The following SH3GL3 variants were observed in gnomAD, a reference collection of about 807,000 sequenced individuals.
The protein encoded by SH3GL3 is endophilin-A3.
A neutral mutation model predicts 47.7 loss-of-function variants in SH3GL3; 33 were observed. That is an observed-to-expected ratio of 0.69 (90% CI 0.52 to 0.92). SH3GL3 has a LOEUF of 0.92. SH3GL3 is among the 40% of genes least tolerant of loss of function. The pLI, the probability that SH3GL3 is intolerant of heterozygous loss-of-function variation, is 0.00. For synonymous variants in SH3GL3, 155 were observed against 148.8 expected, an observed-to-expected ratio of 1.04 and a Z score of -0.30; for missense variants, 363 against 417.8, an observed-to-expected ratio of 0.87 and a Z score of 1.14.
At chr15:83,569,869 CT>C (rs752477762) in intron 4 of SH3GL3, among the ~76,000 whole-genome samples, 5 of 151,274 alleles carry the variant, frequency 3.3e-5, no homozygotes, top group African/African-American at 9.8e-5. Flanking sequence ...TTTTTCCCCC[CT>C]GTCTCATGAG....
At chr15:83,514,815 G>A (rs2042913785) in intron 1 of SH3GL3, among the ~76,000 whole-genome samples, 1 of 152,086 alleles carries the variant, frequency 6.6e-6, no homozygotes, top group African/African-American at 2.4e-5. Context: ...GCTGTCATAG[G>A]TCAGACTTCT....
chr15:83,563,759 C>T (rs1390113996), intron 2 of SH3GL3, among the ~76,000 whole-genome samples: 2 of 152,094 alleles, frequency 1.3e-5, no homozygotes, highest in Non-Finnish European at 2.9e-5. Flanking sequence ...CCACCTCAGC[C>T]TCCAAAATAG....
chr15:83,630,219 A>C, the SH3GL3 span, among the ~76,000 whole-genome samples: 1 of 152,200 alleles, frequency 6.6e-6, no homozygotes, highest in Admixed American at 6.5e-5. Flanking sequence ...TAAATTGCCC[A>C]GTCTCAGGTA....
rs78306426 is a variant in SH3GL3, at chr15:83,497,227, C to T, written c.45+49649C>T. On this transcript the variant is annotated intron_variant, in intron 1 of 8. Coordinates refer to ENST00000427482, the MANE Select transcript of SH3GL3 (RefSeq NM_003027.5). ...ATGGCTCTTGAAGACCCGTTACAGC[C>T]CCAAGACCCCGTGGTAGTAGTCCTA... Among the ~76,000 whole-genome samples the T allele has an allele frequency of 5.9e-3, 893 of 152,284 alleles. 7 individuals are homozygous for T. Among genetic ancestry groups the T allele is most frequent in the Non-Finnish European group, 9.8e-3 (664 of 68,030 alleles).
chr15:83,517,138 G>A (rs1175965027), intron 1 of SH3GL3, among the ~76,000 whole-genome samples: 5 of 150,794 alleles, frequency 3.3e-5, no homozygotes, highest in Admixed American at 2.0e-4. Flanking sequence ...GTCATCTGGT[G>A]TTCACTGCTA....
At position 83,447,434 on chromosome 15, in the gene SH3GL3, C is replaced by T. The variant is rs994958430; in HGVS notation, c.-100C>T. On this transcript the variant is annotated 5_prime_UTR_variant, in exon 1 of 9. Coordinates refer to ENST00000427482, the MANE Select transcript of SH3GL3 (RefSeq NM_003027.5). This position sits in a 1 kb window ranked among gnomAD's most constrained non-coding sequence, Gnocchi z 5.1. ...GGAGGCGGGCCCGGCGGAGCCCAGC[C>T]GCGGGGGGACCGGCCCGGGCTCCCG... 29 of 1,055,486 alleles carry T rather than the reference C, an allele frequency of 2.7e-5. No homozygotes were observed. The highest frequency in any genetic ancestry group is 1.2e-4 in the African/African-American group (7 of 59,206). The allele number at this position is 1,055,486 out of a possible 1,614,324, so 65.4% of individuals were successfully genotyped here.
chr15:83,547,313 C>CTGGG (rs1555493649), intron 1 of SH3GL3, among the ~76,000 whole-genome samples: 2 of 152,112 alleles, frequency 1.3e-5, no homozygotes, highest in Non-Finnish European at 2.9e-5. Context: ...GTGGGAAACA[C>CTGGG]TAGGAAAGGC....
chr15:83,462,859 G>T (rs1448558764), intron 1 of SH3GL3, among the ~76,000 whole-genome samples: 1 of 152,176 alleles, frequency 6.6e-6, no homozygotes, highest in Non-Finnish European at 1.5e-5. Flanking sequence ...AAAATGGCTT[G>T]ATACTGACTT....
At chr15:83,449,544 C>G (rs145599706) in intron 1 of SH3GL3, among the ~76,000 whole-genome samples, 1 of 152,144 alleles carries the variant, frequency 6.6e-6, no homozygotes, top group Non-Finnish European at 1.5e-5. Flanking sequence ...TCAGAGATAA[C>G]GTAAGCCCTT....
chr15:83,633,592 T>C, the SH3GL3 span, among the ~76,000 whole-genome samples: 1 of 152,184 alleles, frequency 6.6e-6, no homozygotes, highest in Non-Finnish European at 1.5e-5. Context: ...GTCACTTTTA[T>C]AACCTAGTTC....
chr15:83,568,687 G>T lies in SH3GL3; in HGVS notation c.331+15G>T. 2 of 1,609,246 alleles carry T rather than the reference G, an allele frequency of 1.2e-6. No homozygotes were observed. The highest frequency in any genetic ancestry group is 1.7e-6 in the Non-Finnish European group (2 of 1,175,978). On this transcript the variant is annotated intron_variant, in intron 4 of 8. Coordinates refer to ENST00000427482, the MANE Select transcript of SH3GL3 (RefSeq NM_003027.5). ...CTCCACCTTTGGTGAGTTATTCAGAGATCAGCTGGGGGAGCTGAGAACTCC... is the reference window on the plus strand; with the variant it reads ...CTCCACCTTTGGTGAGTTATTCAGATATCAGCTGGGGGAGCTGAGAACTCC...
chr15:83,586,950 C>T, intron 6 of SH3GL3, 33 bp from the exon 7 acceptor site: 1 of 1,227,156 alleles, frequency 8.1e-7, no homozygotes, highest in Non-Finnish European at 1.2e-6. Context: ...CAGGCTCGGG[C>T]CTCCATGGAA....
the SH3GL3 span, among the ~76,000 whole-genome samples, chr15:83,629,618 A>C: frequency 6.6e-6 from 1 of 152,170 alleles, no homozygotes; most frequent in Non-Finnish European, 1.5e-5. Flanking sequence ...CCAGGAGTTC[A>C]AGACCAGGCT....
Position 83,544,199 on chromosome 15 carries a change from AT to A in SH3GL3, c.46-15053del, listed in dbSNP as rs1321657476. On this transcript the variant is annotated intron_variant, in intron 1 of 8. Coordinates refer to ENST00000427482, the MANE Select transcript of SH3GL3 (RefSeq NM_003027.5). The stretch of plus-strand genomic sequence containing the variant: ...TTTGCTGTATCCCATAGGTTTTCGT[AT>A]GTTGTATTTCCATTTTCATTTGTTT... Among the ~76,000 whole-genome samples, 3 of 151,966 alleles carry A rather than the reference AT, an allele frequency of 2.0e-5. No homozygotes were observed. In the East Asian group the frequency reaches 5.8e-4, roughly 29 times the overall value.
chr15:83,612,849 G>GTT lies in SH3GL3; in HGVS notation c.839-5231_839-5230dup, dbSNP rs59677590. 1.1e-3 allele frequency among the ~76,000 whole-genome samples: 166 copies of GTT among 152,288 alleles called. 3 individuals carry two copies. The East Asian group carries it at 0.032, about 29-fold the overall frequency. On this transcript the variant is annotated intron_variant, in intron 8 of 8. Coordinates refer to ENST00000427482, the MANE Select transcript of SH3GL3 (RefSeq NM_003027.5). ...AAGCTCTAGTTCTTGGAACCCAGAA[G>GTT]TTTCTCTCTCTCTCTCGCTCTTAAA...
At chr15:83,612,429 C>A (rs1004352930) in intron 8 of SH3GL3, among the ~76,000 whole-genome samples, 1 of 152,228 alleles carries the variant, frequency 6.6e-6, no homozygotes. Flanking sequence ...GTGTCACTGC[C>A]CCCAGGCAGC....
chr15:83,604,947 C>G (rs1287419774), intron 8 of SH3GL3, among the ~76,000 whole-genome samples: 1 of 152,174 alleles, frequency 6.6e-6, no homozygotes, highest in Non-Finnish European at 1.5e-5. Context: ...CAGGTGGTTG[C>G]ACAGGGAGCC....
At chr15:83,545,979 T>C (rs941902834) in intron 1 of SH3GL3, among the ~76,000 whole-genome samples, 7 of 152,212 alleles carry the variant, frequency 4.6e-5, no homozygotes, top group Non-Finnish European at 8.8e-5. Context: ...GTGTCACACC[T>C]GAAGCCAGAA....
At chr15:83,558,688 G>A (rs536172998) in intron 1 of SH3GL3, among the ~76,000 whole-genome samples, 1 of 152,126 alleles carries the variant, frequency 6.6e-6, no homozygotes, top group South Asian at 2.1e-4. Flanking sequence ...TTTTTTCCAT[G>A]CCTCATCCCA....
Sources: allele counts gnomAD v4.1 joint callset (sites outside exome capture counted in the v4.1 genomes callset), GRCh38; gene constraint gnomAD v4.1.1; non-coding constraint Gnocchi (gnomAD v3.1); transcripts MANE v1.5; gene names NCBI Gene and HGNC (gene_info 2026-07-23, HGNC 2026-07-21).